Variants in OR10G9 observed in about 807,000 individuals in gnomAD.
OR10G9 encodes olfactory receptor 10G9.
For synonymous variants in OR10G9, 149 were observed against 161.0 expected (o/e 0.93, Z 0.56); for missense variants, 347 against 378.6 (o/e 0.92, Z 0.69).
rs369137841 is a variant in OR10G9, at chr11:124,023,396, G to C, written c.384G>C (p.Pro128=). The change falls in exon 1 of 1, where the codon CCG becomes CCC. Residue 128 remains proline (P), a synonymous_variant. Transcript: ENST00000375024. ...ATCGCTACTTGGCCATCAGTTACCC[G>C]CTCAGGTACACCAGCATGATGAGTG... ...SYDRYLAISY[P]LRYTSMMSGS... is the part of the protein sequence containing the mutation. 6.2e-7 allele frequency: 1 copy of C among 1,609,512 alleles called. No homozygotes were observed. Among genetic ancestry groups the C allele is most frequent in the South Asian group, 1.1e-5 (1 of 90,830 alleles).
At position 124,023,065 on chromosome 11, in the gene OR10G9, C is replaced by A. The variant is rs745639717; in HGVS notation, c.53C>A (p.Ala18Asp). The A allele has an allele frequency of 3.4e-5, 55 of 1,613,846 alleles. No homozygotes were observed. Among genetic ancestry groups the A allele is most frequent in the Non-Finnish European group, 4.6e-5 (54 of 1,179,870 alleles). The change falls in exon 1 of 1, where the codon GCC becomes GAC. Residue 18 changes from alanine (A) to aspartate (D), a missense_variant. Physicochemically the swap from Ala to Asp is moderately radical, Grantham distance 126. Transcript: ENST00000375024. ...TTCATCCTCACGGGCCTTCCCCATG[C>A]CCCAGGGCTGGACGCCCCACTCTTT... ...TAFILTGLPH[A>D]PGLDAPLFGI... is the part of the protein sequence containing the mutation.
rs189715019 is a variant in OR10G9, at chr11:124,023,744, C to T, written c.732C>T (p.Cys244=). 65 of 1,614,136 alleles carry T rather than the reference C, an allele frequency of 4.0e-5. 1 individual carries two copies. The highest frequency in any genetic ancestry group is 3.3e-4 in the Middle Eastern group (2 of 6,062). The part of the protein sequence containing the change: ...HRAFQTCASH[C]IVVLCFFVPC... ...CCTTTCAGACCTGTGCCTCCCACTG[C>T]ATCGTGGTCCTTTGCTTTTTTGTTC... The change falls in exon 1 of 1, where the codon TGC becomes TGT. Residue 244 remains cysteine, a synonymous_variant. Transcript: ENST00000375024.
rs556208258 is a variant in OR10G9 at position 124,023,398 on chromosome 11, T to A, written c.386T>A (p.Leu129His). 8 of 1,610,416 alleles carry A rather than the reference T, an allele frequency of 5.0e-6. No individual in the cohort carries two copies. Among genetic ancestry groups the A allele is most frequent in the African/African-American group, 1.4e-5 (1 of 74,052 alleles). Reference protein sequence around the residue: ...YDRYLAISYPLRYTSMMSGSR... With the variant: ...YDRYLAISYPHRYTSMMSGSR... ...CGCTACTTGGCCATCAGTTACCCGC[T>A]CAGGTACACCAGCATGATGAGTGGG... The change falls in exon 1 of 1, where the codon CTC becomes CAC. Residue 129 changes from leucine (L) to histidine (H), a missense_variant. Physicochemically the swap from Leu to His is moderately conservative, Grantham distance 99. Transcript: ENST00000375024.
rs761177935 is a variant in OR10G9, at chr11:124,023,848, C to T, written c.836C>T (p.Thr279Ile). The T allele has an allele frequency of 3.7e-6, 6 of 1,614,052 alleles. No homozygotes were observed. The highest frequency in any genetic ancestry group is 3.3e-5 in the South Asian group (3 of 91,082). ...GTGGCCATTTTCTACACTGTGCTGA[C>T]ACCCCTTCTCAACCCTGTTGTGTAC... ...GVVAIFYTVL[T>I]PLLNPVVYTL... is the part of the protein sequence containing the mutation. The change falls in exon 1 of 1, where the codon ACA (threonine) becomes ATA (isoleucine). Residue 279 changes from threonine to isoleucine, a missense_variant. Physicochemically the swap from Thr to Ile is moderately conservative, Grantham distance 89. Transcript: ENST00000375024.
rs753344844 is a variant in OR10G9 at position 124,023,703 on chromosome 11, G to C, written c.691G>C (p.Glu231Gln). Residue 231 changes from glutamate (E) to glutamine (Q), a missense_variant, in exon 1 of 1, where the codon GAG (glutamate) becomes CAG (glutamine). Glu to Gln is a conservative substitution (Grantham distance 29). Transcript: ENST00000375024. ...VCSILRIHTS[E>Q]GRHRAFQTCA... The stretch of plus-strand genomic sequence containing the variant: ...TTCCATCCTGCGGATCCACACCTCA[G>C]AGGGGAGGCACAGAGCCTTTCAGAC... The C allele has an allele frequency of 6.2e-6, 10 of 1,614,056 alleles. No homozygotes were observed. Among genetic ancestry groups the C allele is most frequent in the Non-Finnish European group, 8.5e-6 (10 of 1,180,042 alleles).
rs1282956156 is a variant in OR10G9 at position 124,023,646 on chromosome 11, C to T, written c.634C>T (p.Leu212=). The part of the protein sequence containing the change: ...IGLVASGCFL[L]IVLSYVSIVC... ...GCTAGTGGCCTCGGGCTGCTTTCTC[C>T]TGATAGTGCTGTCTTATGTGTCCAT... Residue 212 remains leucine (L), a synonymous_variant, in exon 1 of 1, where the codon CTG becomes TTG. Transcript: ENST00000375024. 1 of 1,614,152 alleles carries T rather than the reference C, an allele frequency of 6.2e-7. No individual in the cohort carries two copies. The highest frequency in any genetic ancestry group is 1.1e-5 in the South Asian group (1 of 91,076).
Position 124,023,689 on chromosome 11 carries a change from G to A in OR10G9, c.677G>A (p.Arg226Gln), listed in dbSNP as rs145752834. 3.7e-4 allele frequency: 593 copies of A among 1,613,244 alleles called. 2 individuals carry two copies. In the East Asian group the frequency reaches 0.012, roughly 33 times the overall value. ...GTGTCCATCGTCTGTTCCATCCTGC[G>A]GATCCACACCTCAGAGGGGAGGCAC... Reference protein sequence around the residue: ...SYVSIVCSILRIHTSEGRHRA... With the variant: ...SYVSIVCSILQIHTSEGRHRA... Residue 226 changes from arginine to glutamine, a missense_variant, in exon 1 of 1, where the codon CGG (arginine) becomes CAG (glutamine). Arg to Gln is a conservative substitution (Grantham distance 43). Transcript: ENST00000375024.
rs79417294 is a variant in OR10G9, at chr11:124,023,622, C to A, written c.610C>A (p.Leu204Ile). 1.4e-4 allele frequency: 221 copies of A among 1,614,048 alleles called. No individual in the cohort carries two copies. The highest frequency in any genetic ancestry group is 9.2e-4 in the African/African-American group (69 of 74,992). The change falls in exon 1 of 1, where the codon CTA becomes ATA. Residue 204 changes from leucine to isoleucine, a missense_variant. By Grantham distance (5) the Leu-to-Ile change is conservative. Coordinates refer to ENST00000375024, the MANE Select transcript of OR10G9 (RefSeq NM_001001953.1). ...GATGGTCATCTTTGTGGACATTGGG[C>A]TAGTGGCCTCGGGCTGCTTTCTCCT... ...NEMVIFVDIG[L>I]VASGCFLLIV...
Position 124,023,559 on chromosome 11 carries a change from A to C in OR10G9, c.547A>C (p.Ile183Leu). 1 of 1,613,974 alleles carries C rather than the reference A, an allele frequency of 6.2e-7. No homozygotes were observed. The highest frequency in any genetic ancestry group is 8.5e-7 in the Non-Finnish European group (1 of 1,179,888). ...IQHYLCDAPP[I>L]LKLACADTSA... ...GCACTATTTGTGTGATGCACCGCCC[A>C]TCCTGAAACTGGCCTGTGCAGACAC... Residue 183 changes from isoleucine to leucine, a missense_variant, in exon 1 of 1, where the codon ATC (isoleucine) becomes CTC (leucine). By Grantham distance (5) the Ile-to-Leu change is conservative. Coordinates refer to ENST00000375024, the MANE Select transcript of OR10G9 (RefSeq NM_001001953.1).
rs1591466499 is a variant in OR10G9 at position 124,023,411 on chromosome 11, C to T, written c.399C>T (p.Ser133=). The change falls in exon 1 of 1, where the codon AGC becomes AGT. Residue 133 remains serine, a synonymous_variant. Transcript: ENST00000375024. The part of the protein sequence containing the change: ...LAISYPLRYT[S]MMSGSRCALL... ...TCAGTTACCCGCTCAGGTACACCAGCATGATGAGTGGGAGCAGATGTGCCC... is the reference window on the plus strand; with the variant it reads ...TCAGTTACCCGCTCAGGTACACCAGTATGATGAGTGGGAGCAGATGTGCCC... The T allele has an allele frequency of 1.9e-6, 3 of 1,611,530 alleles. No homozygotes were observed. Among genetic ancestry groups the T allele is most frequent in the Admixed American group, 3.3e-5 (2 of 59,768 alleles).
rs1363249762 is a variant in OR10G9 at position 124,023,595 on chromosome 11, G to C, written c.583G>C (p.Glu195Gln). Residue 195 changes from glutamate (E) to glutamine (Q), a missense_variant, in exon 1 of 1, where the codon GAG becomes CAG. By Grantham distance (29) the Glu-to-Gln change is conservative. Transcript: ENST00000375024. ...GGCCTGTGCAGACACCTCAGCCAAC[G>C]AGATGGTCATCTTTGTGGACATTGG... ...KLACADTSAN[E>Q]MVIFVDIGLV... 6.2e-7 allele frequency: 1 copy of C among 1,614,064 alleles called. No homozygotes were observed.
Position 124,023,247 on chromosome 11 carries a change from A to T in OR10G9, c.235A>T (p.Met79Leu). Residue 79 changes from methionine (M) to leucine (L), a missense_variant, in exon 1 of 1, where the codon ATG becomes TTG. Physicochemically the swap from Met to Leu is conservative, Grantham distance 15. Transcript: ENST00000375024. The stretch of plus-strand genomic sequence containing the variant: ...GTTCTCCACTGTCACGGTGCCCAAA[A>T]TGCTGATGACCTTGGTGTCCCCAAG... The part of the protein sequence containing the change: ...MWFSTVTVPK[M>L]LMTLVSPSGR... 2 of 1,602,570 alleles carry T rather than the reference A, an allele frequency of 1.2e-6. No individual in the cohort carries two copies. The highest frequency in any genetic ancestry group is 1.7e-6 in the Non-Finnish European group (2 of 1,172,138).
Position 124,023,698 on chromosome 11 carries a change from C to A in OR10G9, c.686C>A (p.Thr229Asn). ...GTCTGTTCCATCCTGCGGATCCACA[C>A]CTCAGAGGGGAGGCACAGAGCCTTT... ...SIVCSILRIH[T>N]SEGRHRAFQT... Residue 229 changes from threonine to asparagine, a missense_variant, in exon 1 of 1, where the codon ACC becomes AAC. Coordinates refer to ENST00000375024, the MANE Select transcript of OR10G9 (RefSeq NM_001001953.1). 2 of 1,614,190 alleles carry A rather than the reference C, an allele frequency of 1.2e-6. No homozygotes were observed. The highest frequency in any genetic ancestry group is 1.1e-5 in the South Asian group (1 of 91,082).
In OR10G9 at chr11:124,023,649, A is replaced by T. The variant is rs149938215; in HGVS notation, c.637A>T (p.Ile213Leu). Residue 213 changes from isoleucine to leucine, a missense_variant, in exon 1 of 1, where the codon ATA becomes TTA. Coordinates refer to ENST00000375024, the MANE Select transcript of OR10G9 (RefSeq NM_001001953.1). ...AGTGGCCTCGGGCTGCTTTCTCCTG[A>T]TAGTGCTGTCTTATGTGTCCATCGT... The part of the protein sequence containing the change: ...GLVASGCFLL[I>L]VLSYVSIVCS... 8.7e-6 allele frequency: 14 copies of T among 1,614,050 alleles called. No homozygotes were observed. The East Asian group carries it at 2.9e-4, about 33-fold the overall frequency.
In OR10G9 at chr11:124,023,535, C is replaced by T; in HGVS notation, c.523C>T (p.His175Tyr). The T allele has an allele frequency of 6.2e-7, 1 of 1,613,932 alleles. No individual in the cohort carries two copies. Among genetic ancestry groups the T allele is most frequent in the Non-Finnish European group, 8.5e-7 (1 of 1,179,878 alleles). ...LPYCGPNQIQ[H>Y]YLCDAPPILK... ...CTACTGTGGACCCAACCAGATCCAG[C>T]ACTATTTGTGTGATGCACCGCCCAT... is the stretch of plus-strand genomic sequence containing the variant. Residue 175 changes from histidine (H) to tyrosine (Y), a missense_variant, in exon 1 of 1, where the codon CAC (histidine) becomes TAC (tyrosine). Transcript: ENST00000375024.
rs371825827 is a variant in OR10G9, at chr11:124,023,237, G to A, written c.225G>A (p.Thr75=). ...SFIDMWFSTV[T]VPKMLMTLVS... Reference sequence around the variant, plus strand: ...TTGACATGTGGTTCTCCACTGTCACGGTGCCCAAAATGCTGATGACCTTGG... The same window carrying A: ...TTGACATGTGGTTCTCCACTGTCACAGTGCCCAAAATGCTGATGACCTTGG... Residue 75 remains threonine, a synonymous_variant, in exon 1 of 1, where the codon ACG becomes ACA. Coordinates refer to ENST00000375024, the MANE Select transcript of OR10G9 (RefSeq NM_001001953.1). 8.2e-5 allele frequency: 131 copies of A among 1,605,954 alleles called. No homozygotes were observed. The highest frequency in any genetic ancestry group is 1.9e-4 in the South Asian group (17 of 90,800).
chr11:124,023,749 T>G lies in OR10G9; in HGVS notation c.737T>G (p.Val246Gly). 6.2e-7 allele frequency: 1 copy of G among 1,614,104 alleles called. No homozygotes were observed. Among genetic ancestry groups the G allele is most frequent in the East Asian group, 2.2e-5 (1 of 44,850 alleles). Residue 246 changes from valine (V) to glycine (G), a missense_variant, in exon 1 of 1, where the codon GTG becomes GGG. By Grantham distance (109) the Val-to-Gly change is moderately radical. Coordinates refer to ENST00000375024, the MANE Select transcript of OR10G9 (RefSeq NM_001001953.1). ...CAGACCTGTGCCTCCCACTGCATCG[T>G]GGTCCTTTGCTTTTTTGTTCCCTGT... ...AFQTCASHCI[V>G]VLCFFVPCVF...
rs12363627 is a variant in OR10G9 at position 124,023,632 on chromosome 11, C to T, written c.620C>T (p.Ser207Leu). ...TTTGTGGACATTGGGCTAGTGGCCT[C>T]GGGCTGCTTTCTCCTGATAGTGCTG... ...VIFVDIGLVA[S>L]GCFLLIVLSY... The change falls in exon 1 of 1, where the codon TCG (serine) becomes TTG (leucine). Residue 207 changes from serine (S) to leucine (L), a missense_variant. Coordinates refer to ENST00000375024, the MANE Select transcript of OR10G9 (RefSeq NM_001001953.1). The T allele has an allele frequency of 0.02, 31,950 of 1,614,114 alleles. 420 individuals carry two copies. The highest frequency in any genetic ancestry group is 0.042 in the South Asian group (3,832 of 91,076).
Position 124,023,039 on chromosome 11 carries a change from G to T in OR10G9, c.27G>T (p.Ala9=). The T allele has an allele frequency of 6.2e-7, 1 of 1,613,966 alleles. No individual in the cohort carries two copies. Among genetic ancestry groups the T allele is most frequent in the Non-Finnish European group, 8.5e-7 (1 of 1,179,860 alleles). MSKTSLVT[A]FILTGLPHAP... ...TGTCCAAGACCAGCCTCGTGACAGC[G>T]TTCATCCTCACGGGCCTTCCCCATG... The change falls in exon 1 of 1, where the codon GCG becomes GCT. Residue 9 remains alanine (A), a synonymous_variant. Coordinates refer to ENST00000375024, the MANE Select transcript of OR10G9 (RefSeq NM_001001953.1).
Sources: allele counts gnomAD v4.1 joint callset, GRCh38; gene constraint gnomAD v4.1.1; transcripts MANE v1.5; gene names NCBI Gene and HGNC (gene_info 2026-07-23, HGNC 2026-07-21).